ZNF536: variants seen among roughly 807,000 people sequenced by gnomAD.
The protein encoded by ZNF536 is zinc finger protein 536.
Under a neutral mutation model 84.5 loss-of-function variants are expected in ZNF536, and 13 were observed. The ratio of observed to expected loss-of-function variants is 0.15; its 90% CI spans 0.10 to 0.24. The LOEUF (loss-of-function observed/expected upper bound fraction) is 0.24, where lower values mean the gene tolerates loss of function less well. ZNF536 is among the 10% of genes least tolerant of loss of function. The pLI, the probability that ZNF536 is intolerant of heterozygous loss-of-function variation, is 1.00. For missense variants in ZNF536, 1,536 were observed against 1,747.5 expected (o/e 0.88, Z 2.16); for synonymous variants, 811 against 742.5 (o/e 1.09, Z -1.50).
intron 2 of ZNF536, among the ~76,000 whole-genome samples, chr19:30,308,857 A>G (rs1266503602): frequency 6.6e-6 from 1 of 152,168 alleles, no homozygotes; most frequent in Non-Finnish European, 1.5e-5. Context: ...GGTCCATGAG[A>G]TAGATCTTTG....
intron 1 of ZNF536, among the ~76,000 whole-genome samples, chr19:30,649,063 G>C (rs534949451): frequency 6.6e-6 from 1 of 152,240 alleles, no homozygotes; most frequent in African/African-American, 2.4e-5. Flanking sequence ...AGTTAACCAG[G>C]ATCAACCCTG....
At chr19:30,466,223 A>T (rs1335941875) in intron 2 of ZNF536, among the ~76,000 whole-genome samples, 1 of 149,814 alleles carries the variant, frequency 6.7e-6, no homozygotes, top group Non-Finnish European at 1.5e-5. Context: ...ACCCTGTCTA[A>T]AAAAAAAATA....
intron 2 of ZNF536, among the ~76,000 whole-genome samples, chr19:30,462,971 C>T (rs1478697962): frequency 1.4e-5 from 2 of 144,550 alleles, no homozygotes; most frequent in African/African-American, 5.0e-5. Context: ...ATGCATTTGC[C>T]TGTGTTGGAA....
chr19:30,520,483 C>G (rs1370814696), intron 2 of ZNF536, among the ~76,000 whole-genome samples: 1 of 152,146 alleles, frequency 6.6e-6, no homozygotes, highest in East Asian at 1.9e-4. Flanking sequence ...CCCCCCAGGT[C>G]CTCATACCCC....
chr19:30,559,461 G>T (rs2046079393), downstream of ZNF536, among the ~76,000 whole-genome samples: 1 of 152,176 alleles, frequency 6.6e-6, no homozygotes, highest in Non-Finnish European at 1.5e-5. Context: ...CTAAGGACCT[G>T]CCCCAAGGGG....
chr19:30,547,963 C>G lies in ZNF536; in HGVS notation c.2344C>G (p.Pro782Ala), dbSNP rs745914007. Residue 782 changes from proline to alanine, a missense_variant, in exon 4 of 5, where the codon CCG becomes GCG. By Grantham distance (27) the Pro-to-Ala change is conservative. Around this residue, in one of 8 missense-constraint regions of ZNF536, gnomAD observed 148 missense variants for 205.4 expected, o/e 0.72. Coordinates refer to ENST00000355537, the MANE Select transcript of ZNF536 (RefSeq NM_014717.3). ...TGCAGGTGAGAAACCCTACAAGTGT[C>G]CGCACTGTGACTATGCCGGCACGCA... Reference protein sequence around the residue: ...IHTGEKPYKCPHCDYAGTQSA... With the variant: ...IHTGEKPYKCAHCDYAGTQSA... 6.4e-7 allele frequency: 1 copy of G among 1,568,978 alleles called. No individual in the cohort carries two copies. The highest frequency in any genetic ancestry group is 1.2e-5 in the South Asian group (1 of 82,974).
At chr19:30,436,401 C>A (rs756134312) in intron 1 of ZNF536, 72 of 677,524 alleles carry the variant, frequency 1.1e-4, no homozygotes, top group Non-Finnish European at 1.2e-4. Context: ...CAGTATCCTG[C>A]CCACCCCAGT....
At chr19:30,686,561 G>A (rs1172847374) in intron 1 of ZNF536, among the ~76,000 whole-genome samples, 2 of 152,224 alleles carry the variant, frequency 1.3e-5, no homozygotes. Flanking sequence ...CCAAGTGGCT[G>A]CCGTGCTCAG....
At chr19:30,245,652 A>T (rs555117194) in intron 1 of ZNF536, among the ~76,000 whole-genome samples, 1 of 152,324 alleles carries the variant, frequency 6.6e-6, no homozygotes, top group South Asian at 2.1e-4. Flanking sequence ...AAGTGCAGAA[A>T]GAAGGTTGTC....
At chr19:30,636,230 G>A (rs1398644078) in intron 1 of ZNF536, among the ~76,000 whole-genome samples, 4 of 152,086 alleles carry the variant, frequency 2.6e-5, no homozygotes, top group Non-Finnish European at 5.9e-5. Flanking sequence ...TAATGATGAG[G>A]GAAATGAGAT....
intron 2 of ZNF536, among the ~76,000 whole-genome samples, chr19:30,305,296 G>A (rs2046310825): frequency 6.6e-6 from 1 of 152,162 alleles, no homozygotes; most frequent in Non-Finnish European, 1.5e-5. Flanking sequence ...TGGGAAGGGA[G>A]GGGAGCTAGT....
chr19:30,306,913 A>T (rs943083371), intron 2 of ZNF536, among the ~76,000 whole-genome samples: 3 of 152,222 alleles, frequency 2.0e-5, no homozygotes, highest in African/African-American at 7.2e-5. Context: ...ATAATCACAC[A>T]TCAAACCCTA....
chr19:30,467,710 A>G (rs1011432319), intron 2 of ZNF536, among the ~76,000 whole-genome samples: 2 of 152,172 alleles, frequency 1.3e-5, no homozygotes, highest in Non-Finnish European at 2.9e-5. Context: ...TTTCTGCAGT[A>G]ATGTGCTGTG....
chr19:30,439,233 A>C (rs2051897463), intron 1 of ZNF536, among the ~76,000 whole-genome samples: 1 of 152,152 alleles, frequency 6.6e-6, no homozygotes, highest in Non-Finnish European at 1.5e-5. Context: ...CCAGCTTTGC[A>C]TTCAGCCTCG....
At chr19:30,580,433 AC>A (rs1671965277) in intron 1 of ZNF536, among the ~76,000 whole-genome samples, 1 of 152,210 alleles carries the variant, frequency 6.6e-6, no homozygotes, top group Non-Finnish European at 1.5e-5. Flanking sequence ...TGTACTCAGC[AC>A]AACTGTGGTC....
At chr19:30,560,588 C>G (rs1302430115), downstream of ZNF536, among the ~76,000 whole-genome samples, 2 of 152,178 alleles carry the variant, frequency 1.3e-5, no homozygotes, top group African/African-American at 2.4e-5. Flanking sequence ...GACCACCCCC[C>G]CGCCCCATTG....
At chr19:30,568,344 T>G (rs2046425217) in intron 1 of ZNF536, among the ~76,000 whole-genome samples, 1 of 152,218 alleles carries the variant, frequency 6.6e-6, no homozygotes, top group African/African-American at 2.4e-5. Context: ...AGACCTTGGA[T>G]ACCATGAAAT....
chr19:30,545,090 A>G (rs2045489009), intron 3 of ZNF536, among the ~76,000 whole-genome samples: 1 of 152,222 alleles, frequency 6.6e-6, no homozygotes, highest in South Asian at 2.1e-4. Flanking sequence ...AAAGTCCCGA[A>G]AGATCCCGAA....
chr19:30,669,281 T>C (rs932823052), intron 1 of ZNF536, among the ~76,000 whole-genome samples: 37 of 152,246 alleles, frequency 2.4e-4, no homozygotes, highest in African/African-American at 7.7e-4. Context: ...CCTCACGCGC[T>C]TCCCTAAACT....
Sources: gnomAD v4.1 joint callset for allele counts (sites outside exome capture counted in the v4.1 genomes callset) on GRCh38, gnomAD v4.1.1 for gene constraint, gnomAD v4.1.1 regional missense constraint, MANE v1.5 for transcripts, NCBI Gene and HGNC (gene_info 2026-07-23, HGNC 2026-07-21) for gene names.